The following THEMIS variants were observed in gnomAD, a reference collection of about 807,000 sequenced individuals.
The protein encoded by THEMIS is protein THEMIS.
Under a neutral mutation model 52.6 loss-of-function variants are expected in THEMIS, and 37 were observed. That is an observed-to-expected ratio of 0.70 (90% confidence interval 0.54 to 0.93). The LOEUF (loss-of-function observed/expected upper bound fraction) is 0.93, where lower values mean the gene tolerates loss of function less well. Among genes scored for constraint, THEMIS ranks in the 40% least tolerant of loss-of-function variants. THEMIS has a pLI of 0.00. For missense variants in THEMIS, 808 were observed against 763.1 expected, an observed-to-expected ratio of 1.06 and a Z score of -0.69; for synonymous variants, 292 against 272.7, an observed-to-expected ratio of 1.07 and a Z score of -0.70.
In THEMIS at chr6:127,882,643, T is replaced by A. The variant is rs545469083; in HGVS notation, c.91+18199A>T. On this transcript the variant is annotated intron_variant, in intron 1 of 5. Transcript: ENST00000368248. Reference sequence around the variant, plus strand: ...TCCATTTAGTTGAAATTATTTTTTTTAAATGTGATAGGCCATATTTCATTA... The same window carrying A: ...TCCATTTAGTTGAAATTATTTTTTTAAAATGTGATAGGCCATATTTCATTA... Among the ~76,000 whole-genome samples the A allele has an allele frequency of 2.0e-4, 31 of 152,028 alleles. 1 individual carries two copies. In the East Asian group the frequency reaches 4.8e-3, roughly 24 times the overall value.
intron 3 of THEMIS, among the ~76,000 whole-genome samples, chr6:127,827,886 A>G (rs1011353809): frequency 1.3e-5 from 2 of 152,082 alleles, no homozygotes; most frequent in African/African-American, 2.4e-5. Flanking sequence ...GCCTCTTAGT[A>G]TATACTTCAA....
intron 4 of THEMIS, among the ~76,000 whole-genome samples, chr6:127,741,477 C>A (rs1285788216): frequency 6.6e-6 from 1 of 151,858 alleles, no homozygotes; most frequent in Non-Finnish European, 1.5e-5. Context: ...AATAAAGATG[C>A]AAAAATAAAC....
At chr6:127,809,439 C>T (rs1777826147) in intron 4 of THEMIS, among the ~76,000 whole-genome samples, 1 of 152,078 alleles carries the variant, frequency 6.6e-6, no homozygotes. Context: ...TAAGCAGATT[C>T]CTGCCTTCAT....
intron 4 of THEMIS, among the ~76,000 whole-genome samples, chr6:127,783,606 T>C (rs1416221418): frequency 1.3e-5 from 2 of 152,172 alleles, no homozygotes; most frequent in African/African-American, 4.8e-5. Context: ...AAAGAAGACA[T>C]TTATGCAGCC....
chr6:127,795,391 C>T (rs58601765), intron 4 of THEMIS, among the ~76,000 whole-genome samples: 2,605 of 152,206 alleles, frequency 0.017, 70 homozygotes, highest in African/African-American at 0.059. Flanking sequence ...TGCAGTGGCA[C>T]GATCTCGGCT....
At chr6:127,819,118 TAAAAAAAAAA>T (rs142123167) in intron 3 of THEMIS, among the ~76,000 whole-genome samples, 3 of 19,470 alleles carry the variant, frequency 1.5e-4, no homozygotes, top group South Asian at 4.8e-3. Flanking sequence ...AGACTCTGTC[TAAAAAAAAAA>T]AAAAAAAAAA....
rs571719737 is a variant in THEMIS, at chr6:127,883,215, G to A, written c.91+17627C>T. Among the ~76,000 whole-genome samples, 3 of 151,980 alleles carry A rather than the reference G, an allele frequency of 2.0e-5. No individual in the cohort carries two copies. The East Asian group carries it at 5.8e-4, about 29-fold the overall frequency. On this transcript the variant is annotated intron_variant, in intron 1 of 5. Transcript: ENST00000368248. ...TACAAGACATTGTTGGTTCTATGATGATAGCATTTCCTATAAGATTTCTCA... is the reference window on the plus strand; with the variant it reads ...TACAAGACATTGTTGGTTCTATGATAATAGCATTTCCTATAAGATTTCTCA...
chr6:127,910,957 T>C (rs1448429512), intron 1 of THEMIS, among the ~76,000 whole-genome samples: 1 of 152,174 alleles, frequency 6.6e-6, no homozygotes, highest in Non-Finnish European at 1.5e-5. Context: ...TCTGATGACC[T>C]TGACAATTTG....
intron 3 of THEMIS, among the ~76,000 whole-genome samples, chr6:127,817,975 T>C (rs1053183871): frequency 2.6e-5 from 4 of 152,186 alleles, no homozygotes; most frequent in African/African-American, 9.7e-5. Context: ...CCCAGAGCAT[T>C]CTGTTCTCCT....
At chr6:127,825,772 G>A (rs1778486619) in intron 3 of THEMIS, among the ~76,000 whole-genome samples, 1 of 151,872 alleles carries the variant, frequency 6.6e-6, no homozygotes, top group Non-Finnish European at 1.5e-5. Context: ...AGAAAAGGTA[G>A]CCTTCCTGAT....
intron 4 of THEMIS, among the ~76,000 whole-genome samples, chr6:127,739,859 T>C (rs532016951): frequency 2.2e-4 from 32 of 146,970 alleles, no homozygotes; most frequent in Non-Finnish European, 1.5e-4. Context: ...TGTCTAAGGT[T>C]CCACTATGAA....
At position 127,813,803 on chromosome 6, in the gene THEMIS, C is replaced by T. The variant is rs773188610; in HGVS notation, c.838G>A (p.Glu280Lys). ...TEDLFEMTSKEFPIVTEVIEA... is the reference protein window; with the variant it reads ...TEDLFEMTSKKFPIVTEVIEA... ...ATGACTTCAGTCACTATGGGGAACT[C>T]TTTACTAGTCATTTCAAAAAGATCT... The change falls in exon 4 of 6, where the codon GAG (glutamate) becomes AAG (lysine). Residue 280 changes from glutamate (E) to lysine (K), a missense_variant. Transcript: ENST00000368248. 4 of 1,613,968 alleles carry T rather than the reference C, an allele frequency of 2.5e-6. No individual in the cohort carries two copies. The highest frequency in any genetic ancestry group is 1.7e-5 in the Admixed American group (1 of 59,988).
At chr6:127,839,511 T>C (rs756119308) in intron 2 of THEMIS, among the ~76,000 whole-genome samples, 36 of 152,052 alleles carry the variant, frequency 2.4e-4, no homozygotes, top group Non-Finnish European at 1.3e-4. Context: ...TTTTTTAATT[T>C]TCAATTTGTT....
intron 1 of THEMIS, among the ~76,000 whole-genome samples, chr6:127,860,259 T>C (rs1482042028): frequency 6.6e-6 from 1 of 152,058 alleles, no homozygotes; most frequent in Non-Finnish European, 1.5e-5. Flanking sequence ...TAATGCAGGG[T>C]ACATATAAGT....
At chr6:127,885,945 T>A (rs1386830054) in intron 1 of THEMIS, among the ~76,000 whole-genome samples, 1 of 152,106 alleles carries the variant, frequency 6.6e-6, no homozygotes, top group Non-Finnish European at 1.5e-5. Flanking sequence ...TTTGGCTGAT[T>A]TACTTTGGTA....
Position 127,813,561 on chromosome 6 carries a change from A to T in THEMIS, c.1080T>A (p.Ser360Arg), listed in dbSNP as rs1778011836. 6.2e-7 allele frequency: 1 copy of T among 1,612,962 alleles called. No homozygotes were observed. Among genetic ancestry groups the T allele is most frequent in the Admixed American group, 1.7e-5 (1 of 59,770 alleles). Residue 360 changes from serine (S) to arginine (R), a missense_variant, in exon 4 of 6, where the codon AGT (serine) becomes AGA (arginine). Transcript: ENST00000368248. ...CCACCACGTGAAGAGGCTCCTTTTC[A>T]CTCTTAGCGATCTCTAGGTCATAGG... ...PTAYDLEIAK[S>R]EKEPLHVVAT...
At chr6:127,765,330 T>A (rs543681100) in intron 4 of THEMIS, among the ~76,000 whole-genome samples, 1 of 152,066 alleles carries the variant, frequency 6.6e-6, no homozygotes, top group African/African-American at 2.4e-5. Flanking sequence ...GCATGGAAGA[T>A]GATAAAGAGA....
chr6:127,832,480 T>C (rs1345659385), intron 2 of THEMIS, among the ~76,000 whole-genome samples: 1 of 152,238 alleles, frequency 6.6e-6, no homozygotes, highest in Non-Finnish European at 1.5e-5. Flanking sequence ...TTGTAGTTGT[T>C]GTTTTAATAT....
rs563165769 is a variant in THEMIS at position 127,716,577 on chromosome 6, G to A, written c.1894+3111C>T. On this transcript the variant is annotated intron_variant, in intron 5 of 5. Coordinates refer to ENST00000368248, the MANE Select transcript of THEMIS (RefSeq NM_001010923.3). ...TATGGGATCAGTTGAGGTCTTTGTT[G>A]TGACTGTATCATGATTCAATTTTTC... is the stretch of plus-strand genomic sequence containing the variant. 2.0e-5 allele frequency among the ~76,000 whole-genome samples: 3 copies of A among 152,020 alleles called. No individual in the cohort carries two copies. The South Asian group carries it at 6.2e-4, about 32-fold the overall frequency.
Sources: gnomAD v4.1 joint callset for allele counts (sites outside exome capture counted in the v4.1 genomes callset) on GRCh38, gnomAD v4.1.1 for gene constraint, MANE v1.5 for transcripts, NCBI Gene and HGNC (gene_info 2026-07-23, HGNC 2026-07-21) for gene names.